CNTN6: variants seen among roughly 807,000 people sequenced by gnomAD.
CNTN6 encodes the protein contactin 6.
Under a neutral mutation model 122.8 loss-of-function variants are expected in CNTN6, and 137 were observed. The ratio of observed to expected loss-of-function variants is 1.12; its 90% CI spans 0.97 to 1.29. The LOEUF (loss-of-function observed/expected upper bound fraction) is 1.29. CNTN6 is among the 50% of genes most tolerant of loss of function. The pLI, the probability that CNTN6 is intolerant of heterozygous loss-of-function variation, is 0.00. For missense variants in CNTN6, 1,634 were observed against 1,223.4 expected (o/e 1.34, Z -5.01); for synonymous variants, 570 against 426.0 (o/e 1.34, Z -4.16).
At chr3:1,364,802 A>G (rs1707974691) in intron 12 of CNTN6, among the ~76,000 whole-genome samples, 1 of 151,966 alleles carries the variant, frequency 6.6e-6, no homozygotes, top group Non-Finnish European at 1.5e-5. Context: ...GAATTTCAGT[A>G]AGGCTATTCA....
chr3:1,189,342 G>A (rs1575168894), intron 2 of CNTN6, among the ~76,000 whole-genome samples: 1 of 152,092 alleles, frequency 6.6e-6, no homozygotes, highest in South Asian at 2.1e-4. Context: ...AAGGAGGAGG[G>A]GAGAAGTCTT....
chr3:1,400,058 G>A (rs538115378), intron 20 of CNTN6, among the ~76,000 whole-genome samples: 1 of 152,122 alleles, frequency 6.6e-6, no homozygotes, highest in African/African-American at 2.4e-5. Context: ...GAATCTTCCA[G>A]TGACACACAG....
rs1480200142 is a variant in CNTN6 at position 1,227,743 on chromosome 3, G to A, written c.183-75G>A. ...GTGTTTTTTATAGTTGCAGGAATTA[G>A]AACTACATGTTTTTTAAGACAAAGA... On this transcript the variant is annotated intron_variant, in intron 3 of 22. Coordinates refer to ENST00000446702, the MANE Select transcript of CNTN6 (RefSeq NM_001289080.2). 3 of 1,451,128 alleles carry A rather than the reference G, an allele frequency of 2.1e-6. No homozygotes were observed. In the African/African-American group the frequency reaches 4.3e-5, roughly 21 times the overall value. The allele number at this position is 1,451,128 out of a possible 1,614,324, so 89.9% of individuals were successfully genotyped here.
chr3:1,289,045 A>C (rs1694837550), intron 5 of CNTN6, among the ~76,000 whole-genome samples: 1 of 152,234 alleles, frequency 6.6e-6, no homozygotes, highest in Non-Finnish European at 1.5e-5. Context: ...CACAACCGTT[A>C]ATAACCGATA....
intron 2 of CNTN6, among the ~76,000 whole-genome samples, chr3:1,212,322 C>T (rs1327220259): frequency 1.3e-5 from 2 of 149,286 alleles, no homozygotes; most frequent in Admixed American, 1.3e-4. Flanking sequence ...TCTTGGCCTC[C>T]CAAAGTGTGG....
chr3:1,135,952 AC>A lies in CNTN6; in HGVS notation c.-82-11974del, dbSNP rs1465494315. The stretch of plus-strand genomic sequence containing the variant: ...GGTTGCCGTGAGCCGAGATTGCGCC[AC>A]TGCACTCCAGCCTGGGTGACAGAAC... On this transcript the variant is annotated intron_variant, in intron 1 of 22. Transcript: ENST00000446702. Among the ~76,000 whole-genome samples, 15 of 152,300 alleles carry A rather than the reference AC, an allele frequency of 9.8e-5. No individual in the cohort carries two copies. The East Asian group carries it at 2.9e-3, about 29-fold the overall frequency.
At chr3:1,383,535 G>C (rs906778555) in intron 19 of CNTN6, 127 bp downstream of exon 19, 4 of 713,302 alleles carry the variant, frequency 5.6e-6, no homozygotes, top group African/African-American at 1.8e-5. Context: ...AGCTAAAGCA[G>C]AGAATGAAGT....
chr3:1,206,602 G>A (rs528018759), intron 2 of CNTN6, among the ~76,000 whole-genome samples: 2 of 152,234 alleles, frequency 1.3e-5, no homozygotes, highest in South Asian at 2.1e-4. Context: ...TCTTTCTGTA[G>A]TACAAACCTA....
rs141292749 is a variant in CNTN6 at position 1,242,709 on chromosome 3, C to T, written c.358+14716C>T. Reference sequence around the variant, plus strand: ...GGAGGCTTTGGGTTGGGGAGAAGGGCGGCAATGAGACACAGCTGTAATCCA... The same window carrying T: ...GGAGGCTTTGGGTTGGGGAGAAGGGTGGCAATGAGACACAGCTGTAATCCA... On this transcript the variant is annotated intron_variant, in intron 4 of 22. Transcript: ENST00000446702. Among the ~76,000 whole-genome samples, 38 of 151,934 alleles carry T rather than the reference C, an allele frequency of 2.5e-4. No individual in the cohort carries two copies. In the South Asian group the frequency reaches 6.3e-3, roughly 25 times the overall value.
At chr3:1,397,449 G>A (rs1368794546) in intron 20 of CNTN6, among the ~76,000 whole-genome samples, 2 of 151,982 alleles carry the variant, frequency 1.3e-5, no homozygotes, top group Admixed American at 1.3e-4. Flanking sequence ...GATGATACTA[G>A]TATTATTAAA....
In CNTN6 at chr3:1,403,896, C is replaced by G. The variant is rs1696030028; in HGVS notation, c.*478C>G. 6.6e-6 allele frequency: 1 copy of G among 152,126 alleles called. No homozygotes were observed. Among genetic ancestry groups the G allele is most frequent in the Admixed American group, 6.6e-5 (1 of 15,234 alleles). 9.4% of individuals were successfully genotyped at this position (152,126 alleles called of 1,614,324 possible). On this transcript the variant is annotated 3_prime_UTR_variant, in exon 23 of 23. Coordinates refer to ENST00000446702, the MANE Select transcript of CNTN6 (RefSeq NM_001289080.2). ...ACAAACTATTCCAAAGCATGGGGTG[C>G]TTTTATCTCTGAATCAAGTTGGAAT...
Position 1,306,679 on chromosome 3 carries a change from G to T in CNTN6, c.761+8688G>T, listed in dbSNP as rs995598940. 2.6e-5 allele frequency among the ~76,000 whole-genome samples: 4 copies of T among 152,140 alleles called. No individual in the cohort carries two copies. In the South Asian group the frequency reaches 8.3e-4, roughly 31 times the overall value. The stretch of plus-strand genomic sequence containing the variant: ...AATAAATAGATACAGCAGAATGTTT[G>T]TAAGGACTGGAAATACTATTAAGCT... On this transcript the variant is annotated intron_variant, in intron 7 of 22. Transcript: ENST00000446702.
At position 1,387,721 on chromosome 3, in the gene CNTN6, G is replaced by A. The variant is rs547174745; in HGVS notation, c.2704+1924G>A. Among the ~76,000 whole-genome samples, 150 of 152,324 alleles carry A rather than the reference G, an allele frequency of 9.8e-4. 1 individual carries two copies. The highest frequency in any genetic ancestry group is 2.0e-3 in the African/African-American group (85 of 41,574). ...TGGGTGAGCGCACCGTGCGCAAGCC[G>A]AAGCAGGGCGAGGCATTGCCTCACT... On this transcript the variant is annotated intron_variant, in intron 20 of 22. Transcript: ENST00000446702.
chr3:1,328,506 C>A (rs1191238331), intron 10 of CNTN6, among the ~76,000 whole-genome samples: 1 of 151,778 alleles, frequency 6.6e-6, no homozygotes, highest in Non-Finnish European at 1.5e-5. Context: ...TTATTATGTA[C>A]TGAGCTGTAT....
At chr3:1,372,133 C>G (rs144175642) in intron 12 of CNTN6, among the ~76,000 whole-genome samples, 166 bp from the exon 13 acceptor site, 1 of 152,074 alleles carries the variant, frequency 6.6e-6, no homozygotes, top group South Asian at 2.1e-4. Context: ...ATAATAAATA[C>G]AAGACATTTA....
chr3:1,342,321 G>T (rs1011469969), intron 11 of CNTN6, among the ~76,000 whole-genome samples: 4 of 152,000 alleles, frequency 2.6e-5, no homozygotes, highest in Admixed American at 2.0e-4. Flanking sequence ...GTAGGGAAGG[G>T]GTTTCACCAT....
At chr3:1,268,660 A>C (rs1366487764) in intron 4 of CNTN6, among the ~76,000 whole-genome samples, 1 of 151,682 alleles carries the variant, frequency 6.6e-6, no homozygotes, top group Non-Finnish European at 1.5e-5. Flanking sequence ...AATAAAATTC[A>C]CATATTTTTG....
intron 1 of CNTN6, among the ~76,000 whole-genome samples, chr3:1,109,041 T>G (rs1020410895): frequency 1.2e-4 from 19 of 152,064 alleles, no homozygotes; most frequent in African/African-American, 4.6e-4. Context: ...GAATTTTAAT[T>G]GTGGCAAAAG....
At chr3:1,312,058 A>G (rs1699409045) in intron 7 of CNTN6, among the ~76,000 whole-genome samples, 1 of 152,032 alleles carries the variant, frequency 6.6e-6, no homozygotes, top group Admixed American at 6.6e-5. Context: ...TGGTAAATGG[A>G]ACACTATGTA....
Sources: allele counts gnomAD v4.1 joint callset (sites outside exome capture counted in the v4.1 genomes callset), GRCh38; gene constraint gnomAD v4.1.1; transcripts MANE v1.5; gene names NCBI Gene and HGNC (gene_info 2026-07-23, HGNC 2026-07-21).